RPN2: variants seen among roughly 807,000 people sequenced by gnomAD.
RPN2 encodes the protein ribophorin II, also known as dolichyl-diphosphooligosaccharide--protein glycosyltransferase subunit 2.
A neutral mutation model predicts 71.4 loss-of-function variants in RPN2; 29 were observed. The observed-to-expected ratio is 0.41, with a 90% CI of 0.30 to 0.55. The LOEUF (loss-of-function observed/expected upper bound fraction) is 0.55. RPN2 is among the 20% of genes least tolerant of loss of function. The pLI, the probability that RPN2 is intolerant of heterozygous loss-of-function variation, is 0.35. For synonymous variants in RPN2, 308 were observed against 305.0 expected, an observed-to-expected ratio of 1.01 and a Z score of -0.10; for missense variants, 726 against 774.1, an observed-to-expected ratio of 0.94 and a Z score of 0.74.
intron 9 of RPN2, among the ~76,000 whole-genome samples, chr20:37,218,927 A>C (rs1568988289): frequency 6.6e-6 from 1 of 152,208 alleles, no homozygotes; most frequent in Non-Finnish European, 1.5e-5. Flanking sequence ...CTTATCAGTT[A>C]ATGACATTTG....
At chr20:37,192,729 A>C (rs1266176201) in intron 2 of RPN2, among the ~76,000 whole-genome samples, 1 of 152,316 alleles carries the variant, frequency 6.6e-6, no homozygotes, top group East Asian at 1.9e-4. Flanking sequence ...GGTAAGTTTT[A>C]TGAAGGGGAG....
At chr20:37,201,757 A>G (rs1046372796) in intron 4 of RPN2, among the ~76,000 whole-genome samples, 4 of 152,156 alleles carry the variant, frequency 2.6e-5, no homozygotes, top group African/African-American at 9.7e-5. Flanking sequence ...AATTTGCGCT[A>G]TTAAAGGCAA....
intron 10 of RPN2, 57 bp downstream of exon 10, chr20:37,224,026 T>A: frequency 1.4e-6 from 2 of 1,452,318 alleles, no homozygotes; most frequent in Non-Finnish European, 1.9e-6. Flanking sequence ...CTGAGAGGAG[T>A]ATGCCTAGGC....
chr20:37,240,719 C>A (rs1043302059), intron 16 of RPN2, among the ~76,000 whole-genome samples: 1 of 152,228 alleles, frequency 6.6e-6, no homozygotes, highest in African/African-American at 2.4e-5. Flanking sequence ...GAGATAGGTT[C>A]TTATCCCCTT....
chr20:37,232,271 GTCT>G (rs1335176880), intron 13 of RPN2, 22 bp from the exon 14 acceptor site: 1 of 1,614,090 alleles, frequency 6.2e-7, no homozygotes, highest in Non-Finnish European at 8.5e-7. Context: ...ACATTCTTAA[GTCT>G]TCTTGGTGTG....
At chr20:37,224,186 G>A (rs2068023860) in intron 10 of RPN2, among the ~76,000 whole-genome samples, 1 of 151,402 alleles carries the variant, frequency 6.6e-6, no homozygotes, top group Non-Finnish European at 1.5e-5. Flanking sequence ...TTTAGTCCAT[G>A]CACAAACTAT....
At chr20:37,179,670 A>G in intron 1 of RPN2, 1 of 414,210 alleles carries the variant, frequency 2.4e-6, no homozygotes, top group South Asian at 6.5e-5. Context: ...CATTCATTTC[A>G]CTCGCGCGGG....
At position 37,210,114 on chromosome 20, in the gene RPN2, C is replaced by A; in HGVS notation, c.935C>A (p.Ser312Tyr). Residue 312 changes from serine (S) to tyrosine (Y), a missense_variant, in exon 8 of 17, where the codon TCT becomes TAT. By Grantham distance (144) the Ser-to-Tyr change is moderately radical. Coordinates refer to ENST00000237530, the MANE Select transcript of RPN2 (RefSeq NM_002951.5). ...ACTGTTAAACTAGAACATGCTAAAT[C>A]TGTTGCTTCCAGAGCCACTGTCCTC... Reference protein sequence around the residue: ...QATVKLEHAKSVASRATVLQK... With the variant: ...QATVKLEHAKYVASRATVLQK... 6.2e-7 allele frequency: 1 copy of A among 1,614,172 alleles called. No individual in the cohort carries two copies. Among genetic ancestry groups the A allele is most frequent in the Non-Finnish European group, 8.5e-7 (1 of 1,180,026 alleles).
chr20:37,233,874 T>C, intron 14 of RPN2, 146 bp from the exon 15 acceptor site: 1 of 891,628 alleles, frequency 1.1e-6, no homozygotes, highest in Non-Finnish European at 1.8e-6. Context: ...AATAGGGTGG[T>C]TGTCACTTGG....
chr20:37,232,279 G>T lies in RPN2; in HGVS notation c.1582-17G>T. 2 of 1,614,128 alleles carry T rather than the reference G, an allele frequency of 1.2e-6. No individual in the cohort carries two copies. The highest frequency in any genetic ancestry group is 2.2e-5 in the South Asian group (2 of 91,088). On this transcript the variant is annotated splice_polypyrimidine_tract_variant and intron_variant, in intron 13 of 16. Transcript: ENST00000237530. Reference sequence around the variant, plus strand: ...GAAGGGCACATTCTTAAGTCTTCTTGGTGTGTCTTTCGGCAGCACCTGTTC... The same window carrying T: ...GAAGGGCACATTCTTAAGTCTTCTTTGTGTGTCTTTCGGCAGCACCTGTTC...
intron 9 of RPN2, among the ~76,000 whole-genome samples, chr20:37,221,477 C>T (rs1433619231): frequency 6.6e-6 from 1 of 152,288 alleles, no homozygotes; most frequent in East Asian, 1.9e-4. Context: ...GGATTACAGG[C>T]GTGAGCCACC....
chr20:37,240,175 CT>C (rs1229678258), intron 16 of RPN2, among the ~76,000 whole-genome samples: 3 of 152,314 alleles, frequency 2.0e-5, no homozygotes, highest in East Asian at 3.9e-4. Flanking sequence ...AGGAAACCCC[CT>C]GGTAGCAAAG....
At chr20:37,237,237 C>T (rs2068424270) in intron 16 of RPN2, among the ~76,000 whole-genome samples, 1 of 152,174 alleles carries the variant, frequency 6.6e-6, no homozygotes, top group Non-Finnish European at 1.5e-5. Flanking sequence ...ACCCAGACAA[C>T]CTTAGAGTCA....
In RPN2 at chr20:37,236,717, C is replaced by G. The variant is rs2068405124; in HGVS notation, c.1883+8C>G. On this transcript the variant is annotated splice_region_variant and intron_variant, in intron 16 of 16. Transcript: ENST00000237530. ...CCAGCAGGCAGTCAAGAGGTAAGGC[C>G]AGACATGAGCCAGGGATCTAGAGTA... 6.2e-7 allele frequency: 1 copy of G among 1,613,740 alleles called. No homozygotes were observed. The highest frequency in any genetic ancestry group is 8.5e-7 in the Non-Finnish European group (1 of 1,179,796).
rs571063816 is a variant in RPN2, at chr20:37,192,153, C to T, written c.208-6244C>T. Among the ~76,000 whole-genome samples the T allele has an allele frequency of 3.5e-3, 529 of 152,222 alleles. 2 individuals are homozygous for T. Among genetic ancestry groups the T allele is most frequent in the Non-Finnish European group, 5.8e-3 (396 of 68,004 alleles). ...TGCCTCCCTTATAAAGCGTTGTGAG[C>T]ATTAAATGAGATAATAAGTGTAAAG... is the stretch of plus-strand genomic sequence containing the variant. On this transcript the variant is annotated intron_variant, in intron 2 of 16. Transcript: ENST00000237530.
Position 37,240,534 on chromosome 20 carries a change from T to C in RPN2, c.1884-769T>C, listed in dbSNP as rs560592891. On this transcript the variant is annotated intron_variant, in intron 16 of 16. Coordinates refer to ENST00000237530, the MANE Select transcript of RPN2 (RefSeq NM_002951.5). ...GGGAAGAGCTGCCACTGAAGGATGG[T>C]GTGTGTGTGTCAGCAACCCTGCCTC... 3.3e-5 allele frequency among the ~76,000 whole-genome samples: 5 copies of C among 152,174 alleles called. No homozygotes were observed. In the East Asian group the frequency reaches 7.7e-4, roughly 24 times the overall value.
At chr20:37,193,831 T>G in intron 2 of RPN2, among the ~76,000 whole-genome samples, 1 of 152,138 alleles carries the variant, frequency 6.6e-6, no homozygotes, top group Admixed American at 6.5e-5. Context: ...AAGTCTGGGC[T>G]GGAGGTACGG....
At chr20:37,224,271 G>C (rs2068026504) in intron 10 of RPN2, among the ~76,000 whole-genome samples, 1 of 152,180 alleles carries the variant, frequency 6.6e-6, no homozygotes, top group African/African-American at 2.4e-5. Flanking sequence ...ATGTCACTAA[G>C]CATATTATTT....
In RPN2 at chr20:37,179,366, C is replaced by T. The variant is rs759168006; in HGVS notation, c.10C>T (p.Pro4Ser). 20 of 335,982 alleles carry T rather than the reference C, an allele frequency of 6.0e-5. No homozygotes were observed. The South Asian group carries it at 9.0e-4, about 15-fold the overall frequency. 20.8% of individuals were successfully genotyped at this position (335,982 alleles called of 1,614,324 possible). Residue 4 changes from proline to serine, a missense_variant, in exon 1 of 17, where the codon CCG (proline) becomes TCG (serine). Transcript: ENST00000237530. MAPPGSSTVFLLAL... is the reference protein window; with the variant it reads MAPSGSSTVFLLAL... ...GGACCTGCTCGGAGGAATGGCGCCG[C>T]CGGGTGAGGAGTTGCGCGTGGCTTT... is the stretch of plus-strand genomic sequence containing the variant.
Sources: allele counts gnomAD v4.1 joint callset (sites outside exome capture counted in the v4.1 genomes callset), GRCh38; gene constraint gnomAD v4.1.1; transcripts MANE v1.5; gene names NCBI Gene and HGNC (gene_info 2026-07-23, HGNC 2026-07-21).